ACO1: variants seen among roughly 807,000 people sequenced by gnomAD.
ACO1 encodes the protein cytoplasmic aconitate hydratase.
In ACO1, 78 loss-of-function variants were observed where a neutral mutation model predicts 105.1. That is an observed-to-expected ratio of 0.74 (90% CI 0.62 to 0.90). The LOEUF is 0.90. Among genes scored for constraint, ACO1 ranks in the 40% least tolerant of loss-of-function variants. The pLI is 0.00. For missense variants in ACO1, 965 were observed against 1,111.1 expected, an observed-to-expected ratio of 0.87 and a Z score of 1.87; for synonymous variants, 364 against 397.4, an observed-to-expected ratio of 0.92 and a Z score of 1.00.
At position 32,448,373 on chromosome 9, in the gene ACO1, C is replaced by T. The variant is rs1483985248; in HGVS notation, c.2371-523C>T. Reference sequence around the variant, plus strand: ...CTCAGCAATGGCCGATGCCCCTCTGCCCACCAAGCTCGAGCATCCCAGGTC... The same window carrying T: ...CTCAGCAATGGCCGATGCCCCTCTGTCCACCAAGCTCGAGCATCCCAGGTC... On this transcript the variant is annotated intron_variant, in intron 19 of 20. Coordinates refer to ENST00000309951, the MANE Select transcript of ACO1 (RefSeq NM_002197.3). 2.0e-5 allele frequency among the ~76,000 whole-genome samples: 3 copies of T among 152,236 alleles called. No homozygotes were observed. In the South Asian group the frequency reaches 6.2e-4, roughly 32 times the overall value.
At position 32,431,171 on chromosome 9, in the gene ACO1, C is replaced by T. The variant is rs144546269; in HGVS notation, c.1727-548C>T. 2.1e-4 allele frequency among the ~76,000 whole-genome samples: 32 copies of T among 152,310 alleles called. 1 individual carries two copies. In the East Asian group the frequency reaches 4.2e-3, roughly 20 times the overall value. On this transcript the variant is annotated intron_variant, in intron 14 of 20. Coordinates refer to ENST00000309951, the MANE Select transcript of ACO1 (RefSeq NM_002197.3). The stretch of plus-strand genomic sequence containing the variant: ...TATTTGTAGTATGTTCACGGTCATT[C>T]ACAGATCAGCACAAAGGGGTGAAAA...
At position 32,405,470 on chromosome 9, in the gene ACO1, C is replaced by A; in HGVS notation, c.-22-15C>A. 2 of 1,476,034 alleles carry A rather than the reference C, an allele frequency of 1.4e-6. No homozygotes were observed. Among genetic ancestry groups the A allele is most frequent in the Non-Finnish European group, 9.5e-7 (1 of 1,056,880 alleles). 91.4% of individuals were successfully genotyped at this position (1,476,034 alleles called of 1,614,324 possible). On this transcript the variant is annotated splice_polypyrimidine_tract_variant and intron_variant, in intron 1 of 20. Coordinates refer to ENST00000309951, the MANE Select transcript of ACO1 (RefSeq NM_002197.3). ...CTCTTAAAAAAAGAATTTAAATGTT[C>A]TCTTTTCTTTTCAGGAACACGTGGC...
chr9:32,445,526 GC>G, intron 19 of ACO1: 1 of 228,076 alleles, frequency 4.4e-6, no homozygotes, highest in Non-Finnish European at 9.0e-6. Context: ...AGTCTGGCTA[GC>G]AGTCTGTTTT....
At position 32,424,572 on chromosome 9, in the gene ACO1, A is replaced by T. The variant is rs1006882737; in HGVS notation, c.1095A>T (p.Thr365=). ...FTQVVELDLK[T]VVPCCSGPKR... ...AGGTTGTGGAATTAGATTTGAAAAC[A>T]GTAGTGCCTTGCTGTAGTGGACCCA... The change falls in exon 10 of 21, where the codon ACA becomes ACT. Residue 365 remains threonine (T), a synonymous_variant. Coordinates refer to ENST00000309951, the MANE Select transcript of ACO1 (RefSeq NM_002197.3). The T allele has an allele frequency of 2.5e-6, 4 of 1,613,624 alleles. No individual in the cohort carries two copies. The highest frequency in any genetic ancestry group is 2.5e-6 in the Non-Finnish European group (3 of 1,179,738).
chr9:32,426,493 G>A (rs1333639553), intron 11 of ACO1, among the ~76,000 whole-genome samples: 1 of 152,136 alleles, frequency 6.6e-6, no homozygotes, highest in Non-Finnish European at 1.5e-5. Flanking sequence ...CCTACTATAA[G>A]GTCTCTTTAG....
intron 19 of ACO1, among the ~76,000 whole-genome samples, chr9:32,446,926 G>T (rs1822622379): frequency 6.6e-6 from 1 of 152,202 alleles, no homozygotes; most frequent in Non-Finnish European, 1.5e-5. Context: ...CCTCTGGCTT[G>T]TAGGGTGTCT....
At position 32,450,121 on chromosome 9, in the gene ACO1, A is replaced by T. The variant is rs773135060; in HGVS notation, c.*10A>T. The stretch of plus-strand genomic sequence containing the variant: ...CAAGATGGCCAAGTAGGAGACGTGC[A>T]CTTGGTGCTGCGCCCAGGGAGGAAG... On this transcript the variant is annotated 3_prime_UTR_variant, in exon 21 of 21. Coordinates refer to ENST00000309951, the MANE Select transcript of ACO1 (RefSeq NM_002197.3). 1 of 1,606,942 alleles carries T rather than the reference A, an allele frequency of 6.2e-7. No homozygotes were observed. The highest frequency in any genetic ancestry group is 2.2e-5 in the East Asian group (1 of 44,794).
chr9:32,413,381 G>A (rs775546381), intron 4 of ACO1, among the ~76,000 whole-genome samples: 38 of 151,900 alleles, frequency 2.5e-4, no homozygotes, highest in Non-Finnish European at 4.7e-4. Flanking sequence ...CTACTCAGGC[G>A]GCTGAGACAG....
chr9:32,442,698 A>C (rs1036181566), intron 19 of ACO1, among the ~76,000 whole-genome samples: 13 of 152,324 alleles, frequency 8.5e-5, no homozygotes, highest in Admixed American at 8.5e-4. Context: ...ATACACCTAA[A>C]ATAGTAGAAA....
At chr9:32,390,554 T>C (rs776696433) in intron 1 of ACO1, among the ~76,000 whole-genome samples, 1 of 152,214 alleles carries the variant, frequency 6.6e-6, no homozygotes, top group Non-Finnish European at 1.5e-5. Flanking sequence ...TATTTAGCAA[T>C]GCGTAATACA....
In ACO1 at chr9:32,431,716, C is replaced by A. The variant is rs370328815; in HGVS notation, c.1727-3C>A. 6.2e-7 allele frequency: 1 copy of A among 1,612,944 alleles called. No homozygotes were observed. Among genetic ancestry groups the A allele is most frequent in the Non-Finnish European group, 8.5e-7 (1 of 1,179,662 alleles). ...TTCTCATTAATAAACATTTTTTCCC[C>A]AGGAGTAAATGCAAAGGGACAGCAG... is the stretch of plus-strand genomic sequence containing the variant. On this transcript the variant is annotated splice_polypyrimidine_tract_variant and splice_region_variant and intron_variant, in intron 14 of 20. Transcript: ENST00000309951.
intron 1 of ACO1, among the ~76,000 whole-genome samples, chr9:32,396,884 CT>C (rs1054731957): frequency 2.0e-4 from 31 of 151,960 alleles, no homozygotes; most frequent in African/African-American, 7.5e-4. Flanking sequence ...TTAGAAAGGA[CT>C]TTTTAGATCG....
At chr9:32,390,555 G>A (rs1023601963) in intron 1 of ACO1, among the ~76,000 whole-genome samples, 1 of 152,176 alleles carries the variant, frequency 6.6e-6, no homozygotes, top group Non-Finnish European at 1.5e-5. Flanking sequence ...ATTTAGCAAT[G>A]CGTAATACAA....
intron 1 of ACO1, among the ~76,000 whole-genome samples, chr9:32,404,587 G>C (rs1821566486): frequency 6.6e-6 from 1 of 152,328 alleles, no homozygotes; most frequent in East Asian, 1.9e-4. Flanking sequence ...GCTGGAGCCA[G>C]GTGGCCTCTG....
In ACO1 at chr9:32,450,466, G is replaced by A. The variant is rs1244123360; in HGVS notation, c.*355G>A. 1.7e-5 allele frequency: 6 copies of A among 356,586 alleles called. No homozygotes were observed. The highest frequency in any genetic ancestry group is 2.7e-5 in the Non-Finnish European group (5 of 183,480). 22.1% of individuals were successfully genotyped at this position (356,586 alleles called of 1,614,324 possible). On this transcript the variant is annotated 3_prime_UTR_variant, in exon 21 of 21. Transcript: ENST00000309951. The stretch of plus-strand genomic sequence containing the variant: ...GAACACAAGCAAACCTTCTCAGGAG[G>A]TGTCTCCTACCCTCTTATTGTTCCT...
chr9:32,438,646 A>G (rs983401711), intron 18 of ACO1, among the ~76,000 whole-genome samples: 3 of 152,264 alleles, frequency 2.0e-5, no homozygotes, highest in Non-Finnish European at 4.4e-5. Flanking sequence ...GTAATTTTCA[A>G]AAAAATTCAT....
In ACO1 at chr9:32,424,773, G is replaced by A; in HGVS notation, c.1188+108G>A. ...GACATGAATCTTCCTGTAGCCTGAA[G>A]CTTGAGGGTGTTTATTCTTCCTTCT... On this transcript the variant is annotated intron_variant, in intron 10 of 20. Transcript: ENST00000309951. 6 of 752,192 alleles carry A rather than the reference G, an allele frequency of 8.0e-6. No homozygotes were observed. The South Asian group carries it at 1.0e-4, about 13-fold the overall frequency. The allele number at this position is 752,192 out of a possible 1,614,324, so 46.6% of individuals were successfully genotyped here.
chr9:32,435,891 C>T (rs1265111611), intron 17 of ACO1: 1 of 376,032 alleles, frequency 2.7e-6, no homozygotes, highest in Non-Finnish European at 5.2e-6. Context: ...CCTTTGCTTC[C>T]ATTTTCTCAC....
intron 1 of ACO1, among the ~76,000 whole-genome samples, chr9:32,387,922 A>G (rs145737603): frequency 4.2e-4 from 64 of 152,338 alleles, no homozygotes; most frequent in African/African-American, 1.5e-3. Flanking sequence ...ATTCTTCAGG[A>G]CTTTATGCGT....
Sources: allele counts gnomAD v4.1 joint callset (sites outside exome capture counted in the v4.1 genomes callset), GRCh38; gene constraint gnomAD v4.1.1; transcripts MANE v1.5; gene names NCBI Gene and HGNC (gene_info 2026-07-23, HGNC 2026-07-21).